RNLS: variants seen among roughly 807,000 people sequenced by gnomAD.
RNLS encodes renalase.
In RNLS, 39 loss-of-function variants were observed where a neutral mutation model predicts 39.8. That is an observed-to-expected ratio of 0.98 (90% CI 0.76 to 1.28). The LOEUF is 1.28. RNLS is among the 50% of genes most tolerant of loss of function. The pLI is 0.00. For missense variants in RNLS, 410 were observed against 413.3 expected (o/e 0.99, Z 0.07); for synonymous variants, 147 against 150.7 (o/e 0.98, Z 0.18).
chr10:88,283,134 C>A (rs1396963925), downstream of RNLS, among the ~76,000 whole-genome samples: 8 of 152,122 alleles, frequency 5.3e-5, no homozygotes, highest in African/African-American at 1.9e-4. Flanking sequence ...TCCTGGCCAG[C>A]TGAATTTTAT....
chr10:88,385,765 G>A (rs180688977), intron 4 of RNLS, among the ~76,000 whole-genome samples: 80 of 152,272 alleles, frequency 5.3e-4, no homozygotes, highest in Admixed American at 9.8e-4. Flanking sequence ...TCTTTGTCAC[G>A]GTGCCCCTGC....
the RNLS span, among the ~76,000 whole-genome samples, chr10:88,225,003 G>A: frequency 6.6e-6 from 1 of 152,172 alleles, no homozygotes; most frequent in South Asian, 2.1e-4. Flanking sequence ...AAAATCCAAT[G>A]ATTAAATTGC....
At chr10:88,384,160 A>C (rs1220317265) in intron 4 of RNLS, among the ~76,000 whole-genome samples, 1 of 152,160 alleles carries the variant, frequency 6.6e-6, no homozygotes, top group Non-Finnish European at 1.5e-5. Flanking sequence ...TTTGGGTCTT[A>C]ACAGAAAAAT....
chr10:88,214,131 T>C, the RNLS span, among the ~76,000 whole-genome samples: 14 of 152,258 alleles, frequency 9.2e-5, no homozygotes, highest in East Asian at 5.8e-4. Context: ...TTGGCAGTAG[T>C]GGTAGTACAT....
At chr10:88,387,341 G>A (rs1048669733) in intron 4 of RNLS, among the ~76,000 whole-genome samples, 4 of 152,088 alleles carry the variant, frequency 2.6e-5, no homozygotes, top group African/African-American at 9.7e-5. Flanking sequence ...GAGACCTGGA[G>A]CTTACATCTG....
At chr10:88,494,859 A>T (rs1845078563) in intron 4 of RNLS, among the ~76,000 whole-genome samples, 1 of 152,170 alleles carries the variant, frequency 6.6e-6, no homozygotes, top group Non-Finnish European at 1.5e-5. Context: ...ATTTCAGGAC[A>T]TCAAGAAAAC....
the RNLS span, among the ~76,000 whole-genome samples, chr10:88,257,168 A>G: frequency 1.3e-5 from 2 of 152,144 alleles, no homozygotes; most frequent in Admixed American, 6.5e-5. Context: ...TATTTACTCA[A>G]CGGAGGTTTT....
intron 4 of RNLS, among the ~76,000 whole-genome samples, chr10:88,558,188 G>A (rs910343108): frequency 6.6e-6 from 1 of 152,034 alleles, no homozygotes; most frequent in South Asian, 2.1e-4. Context: ...TGCTAGGAGA[G>A]GGGCAAAAAG....
Position 88,387,188 on chromosome 10 carries a change from T to G in RNLS, c.527-24463A>C, listed in dbSNP as rs565430914. Reference sequence around the variant, plus strand: ...GGAAGCCTTAAGTATTTGGAACTGCTCCAAACCCAGAAGAGGGGAGGAGTG... The same window carrying G: ...GGAAGCCTTAAGTATTTGGAACTGCGCCAAACCCAGAAGAGGGGAGGAGTG... On this transcript the variant is annotated intron_variant, in intron 4 of 6. Transcript: ENST00000331772. Among the ~76,000 whole-genome samples the G allele has an allele frequency of 1.2e-4, 18 of 152,078 alleles. No individual in the cohort carries two copies. In the East Asian group the frequency reaches 3.5e-3, roughly 29 times the overall value.
intron 4 of RNLS, among the ~76,000 whole-genome samples, chr10:88,506,440 T>C (rs1845798003): frequency 6.6e-6 from 1 of 152,074 alleles, no homozygotes; most frequent in Admixed American, 6.6e-5. Flanking sequence ...TATCCTTACT[T>C]TTAAGTGATG....
chr10:88,260,337 T>G, the RNLS span, among the ~76,000 whole-genome samples: 1 of 152,254 alleles, frequency 6.6e-6, no homozygotes, highest in Non-Finnish European at 1.5e-5. Context: ...AATACTATTC[T>G]TCATCAAATG....
chr10:88,470,204 T>C (rs1462504783), intron 4 of RNLS, among the ~76,000 whole-genome samples: 1 of 152,094 alleles, frequency 6.6e-6, no homozygotes, highest in Non-Finnish European at 1.5e-5. Flanking sequence ...CAGGGATACA[T>C]GTGCAGGTTT....
the RNLS span, among the ~76,000 whole-genome samples, chr10:88,252,483 G>C: frequency 6.6e-6 from 1 of 152,170 alleles, no homozygotes; most frequent in Non-Finnish European, 1.5e-5. Context: ...CACGAGGTGG[G>C]TGGGCAGAGG....
chr10:88,364,794 A>G (rs1468785778), intron 4 of RNLS, among the ~76,000 whole-genome samples: 1 of 152,062 alleles, frequency 6.6e-6, no homozygotes, highest in Non-Finnish European at 1.5e-5. Context: ...TTTTAATTTA[A>G]TCTGCTTTTA....
At chr10:88,246,712 C>G in the RNLS span, among the ~76,000 whole-genome samples, 1 of 152,022 alleles carries the variant, frequency 6.6e-6, no homozygotes, top group South Asian at 2.1e-4. Flanking sequence ...AGAGACAGAC[C>G]TTCTAAAATA....
intron 3 of RNLS, among the ~76,000 whole-genome samples, chr10:88,576,687 C>T (rs1271096359): frequency 1.3e-5 from 2 of 152,118 alleles, no homozygotes; most frequent in African/African-American, 4.8e-5. Flanking sequence ...ACCACCCAGA[C>T]TCACTTCCCC....
chr10:88,252,626 G>A, the RNLS span, among the ~76,000 whole-genome samples: 3 of 152,198 alleles, frequency 2.0e-5, no homozygotes, highest in East Asian at 1.9e-4. Context: ...CTGGAGATCC[G>A]GTTAAGTTTC....
intron 4 of RNLS, among the ~76,000 whole-genome samples, chr10:88,510,571 A>G (rs923078997): frequency 2.6e-5 from 4 of 152,130 alleles, no homozygotes; most frequent in Non-Finnish European, 5.9e-5. Flanking sequence ...CAGATAAGTA[A>G]TAGTTAATAT....
rs537559572 is a variant in RNLS at position 88,370,667 on chromosome 10, T to C, written c.527-7942A>G. Among the ~76,000 whole-genome samples the C allele has an allele frequency of 2.6e-5, 4 of 152,316 alleles. No individual in the cohort carries two copies. In the South Asian group the frequency reaches 8.3e-4, roughly 32 times the overall value. ...GATTAGATCATCTAGCTTTGTGCACTTTGTGGGTACACAAGGACAATAGTA... is the reference window on the plus strand; with the variant it reads ...GATTAGATCATCTAGCTTTGTGCACCTTGTGGGTACACAAGGACAATAGTA... On this transcript the variant is annotated intron_variant, in intron 4 of 6. Coordinates refer to ENST00000331772, the MANE Select transcript of RNLS (RefSeq NM_001031709.3).
Sources: allele counts gnomAD v4.1 joint callset (sites outside exome capture counted in the v4.1 genomes callset), GRCh38; gene constraint gnomAD v4.1.1; transcripts MANE v1.5; gene names NCBI Gene and HGNC (gene_info 2026-07-23, HGNC 2026-07-21).